Variants in BRINP2 observed in about 807,000 individuals in gnomAD.
BRINP2 encodes BMP/retinoic acid inducible neural specific 2.
BRINP2 carries 21 observed loss-of-function variants against 69.2 expected under a neutral mutation model. The observed-to-expected ratio is 0.30, with a 90% CI of 0.22 to 0.44. BRINP2 has a LOEUF of 0.44. Ranked by LOEUF, BRINP2 falls within the 20% of genes least tolerant of loss-of-function variation. The pLI is 1.00. For missense variants in BRINP2, 877 were observed against 986.0 expected (o/e 0.89, Z 1.48); for synonymous variants, 380 against 394.1 (o/e 0.96, Z 0.42).
chr1:177,208,247 G>C (rs1173181118), intron 1 of BRINP2, among the ~76,000 whole-genome samples: 1 of 152,124 alleles, frequency 6.6e-6, no homozygotes, highest in Non-Finnish European at 1.5e-5. Flanking sequence ...ATGCCTCCCA[G>C]GCTTGGAGAC....
intron 2 of BRINP2, among the ~76,000 whole-genome samples, chr1:177,233,191 G>T (rs564293004): frequency 3.3e-5 from 5 of 152,172 alleles, no homozygotes; most frequent in Non-Finnish European, 5.9e-5. Flanking sequence ...GACCTCCAGA[G>T]ATTGTTTTTC....
chr1:177,271,414 G>T (rs58720847), intron 4 of BRINP2, among the ~76,000 whole-genome samples: 2 of 152,208 alleles, frequency 1.3e-5, no homozygotes, highest in African/African-American at 4.8e-5. Flanking sequence ...GGCATGTAAA[G>T]GGTTTAGACT....
intron 1 of BRINP2, among the ~76,000 whole-genome samples, chr1:177,204,987 T>C (rs1344057094): frequency 6.6e-6 from 1 of 152,238 alleles, no homozygotes; most frequent in East Asian, 1.9e-4. Flanking sequence ...GTATCATATG[T>C]ATATGTCATA....
intron 1 of BRINP2, among the ~76,000 whole-genome samples, chr1:177,185,142 GA>G (rs59653327): frequency 0.023 from 3,405 of 145,012 alleles, 45 homozygotes; most frequent in South Asian, 0.036. Context: ...TGTCATGTTG[GA>G]AAAAAAAAAA....
At chr1:177,236,876 C>T (rs1571921544) in intron 2 of BRINP2, among the ~76,000 whole-genome samples, 2 of 151,308 alleles carry the variant, frequency 1.3e-5, no homozygotes, top group African/African-American at 2.4e-5. Context: ...CTCTGAAATG[C>T]CAAAAGTGTC....
chr1:177,223,785 C>T (rs1649612302), intron 1 of BRINP2, among the ~76,000 whole-genome samples: 2 of 151,966 alleles, frequency 1.3e-5, no homozygotes, highest in Non-Finnish European at 2.9e-5. Flanking sequence ...CATTCCTGAC[C>T]AGCAGTGGGG....
In BRINP2 at chr1:177,175,484, G is replaced by A. The variant is rs114428150; in HGVS notation, c.-77+3752G>A. Among the ~76,000 whole-genome samples the A allele has an allele frequency of 2.0e-3, 305 of 152,314 alleles. 3 individuals are homozygous for A. The highest frequency in any genetic ancestry group is 6.6e-3 in the African/African-American group (276 of 41,576). ...CATCTCTCCCAGAGGAAAGGTCAAG[G>A]CAAAGCGCAGGGCCTGTGAGAGGAC... On this transcript the variant is annotated intron_variant, in intron 1 of 7. Transcript: ENST00000361539.
Position 177,276,304 on chromosome 1 carries a change from C to G in BRINP2, c.882C>G (p.Asp294Glu). Residue 294 changes from aspartate to glutamate, a missense_variant, in exon 6 of 8, where the codon GAC becomes GAG. Around this residue, in one of 3 missense-constraint regions of BRINP2, gnomAD observed 566 missense variants for 625.2 expected, o/e 0.91. Transcript: ENST00000361539. ...GTGAGCTCGTCTGCAAGGAGAATGA[C>G]TGCTGGTGCAAGTGCAGCCCCACCT... The part of the protein sequence containing the change: ...SEGELVCKEN[D>E]CWCKCSPTFP... 1 of 1,614,252 alleles carries G rather than the reference C, an allele frequency of 6.2e-7. No homozygotes were observed. Among genetic ancestry groups the G allele is most frequent in the Non-Finnish European group, 8.5e-7 (1 of 1,180,052 alleles).
chr1:177,193,076 G>A (rs1188548282), intron 1 of BRINP2, among the ~76,000 whole-genome samples: 1 of 152,222 alleles, frequency 6.6e-6, no homozygotes. Context: ...CACCTGGGTT[G>A]TGAAGCGTAA....
chr1:177,246,708 G>T (rs1404156303), intron 2 of BRINP2, among the ~76,000 whole-genome samples: 1 of 152,202 alleles, frequency 6.6e-6, no homozygotes, highest in Admixed American at 6.5e-5. Context: ...TGCAAAGTGG[G>T]TTCCATTGCT....
At chr1:177,190,405 A>G (rs1648553093) in intron 1 of BRINP2, among the ~76,000 whole-genome samples, 1 of 152,070 alleles carries the variant, frequency 6.6e-6, no homozygotes, top group African/African-American at 2.4e-5. Context: ...TTCCACATAT[A>G]TTTCAAGTTT....
In BRINP2 at chr1:177,276,412, C is replaced by T; in HGVS notation, c.990C>T (p.His330=). Residue 330 remains histidine (H), a synonymous_variant, in exon 6 of 8, where the codon CAC becomes CAT. Transcript: ENST00000361539. ...AGATCCAGGACTCCTGGGCCACTCA[C>T]AACCGGCAGTTTGAAGAGTCAGGTG... is the stretch of plus-strand genomic sequence containing the variant. ...LLQIQDSWAT[H]NRQFEESEEF... is the part of the protein sequence containing the mutation. The T allele has an allele frequency of 3.1e-6, 5 of 1,614,152 alleles. No individual in the cohort carries two copies. The highest frequency in any genetic ancestry group is 4.2e-6 in the Non-Finnish European group (5 of 1,180,028).
At chr1:177,202,881 A>C (rs1419287545) in intron 1 of BRINP2, among the ~76,000 whole-genome samples, 1 of 152,166 alleles carries the variant, frequency 6.6e-6, no homozygotes, top group Non-Finnish European at 1.5e-5. Flanking sequence ...TGTTGGTGGG[A>C]CTGTAAACTA....
At position 177,257,233 on chromosome 1, in the gene BRINP2, C is replaced by T. The variant is rs750461982; in HGVS notation, c.518C>T (p.Thr173Ile). The change falls in exon 4 of 8, where the codon ACA becomes ATA. Residue 173 changes from threonine to isoleucine, a missense_variant. This residue lies in a region of BRINP2 where 566 missense variants were observed against 625.2 expected (regional missense o/e 0.91). Transcript: ENST00000361539. ...DKQKLGRKTETTGGASIIGGS... is the reference protein window; with the variant it reads ...DKQKLGRKTEITGGASIIGGS... ...CAGAAACTGGGAAGAAAGACAGAGA[C>T]AACAGGAGGTGCCTCTATAATCGGG... 6.2e-7 allele frequency: 1 copy of T among 1,614,092 alleles called. No homozygotes were observed. The highest frequency in any genetic ancestry group is 1.7e-5 in the Admixed American group (1 of 60,018).
At chr1:177,249,105 T>G (rs1356646047) in intron 2 of BRINP2, among the ~76,000 whole-genome samples, 2 of 152,224 alleles carry the variant, frequency 1.3e-5, no homozygotes, top group Non-Finnish European at 2.9e-5. Flanking sequence ...GCACTGATTA[T>G]TTAGATATCA....
At chr1:177,228,776 T>C (rs987869445) in intron 1 of BRINP2, among the ~76,000 whole-genome samples, 11 of 152,212 alleles carry the variant, frequency 7.2e-5, no homozygotes, top group Non-Finnish European at 1.5e-4. Flanking sequence ...CCTGTGCATT[T>C]GCCCAGAGAT....
chr1:177,273,174 G>T (rs541403474), intron 4 of BRINP2, among the ~76,000 whole-genome samples: 2 of 152,250 alleles, frequency 1.3e-5, no homozygotes, highest in South Asian at 4.1e-4. Context: ...GAGGGAGAAG[G>T]GGTGACTAGA....
chr1:177,273,637 TAA>T (rs529344426), intron 5 of BRINP2, 44 bp downstream of exon 5: 31 of 1,051,474 alleles, frequency 2.9e-5, no homozygotes, highest in South Asian at 1.3e-4. Flanking sequence ...ACACCTGATT[TAA>T]AAAAAAAAAT....
chr1:177,247,798 G>A (rs374458545), intron 2 of BRINP2, among the ~76,000 whole-genome samples: 1 of 152,238 alleles, frequency 6.6e-6, no homozygotes, highest in South Asian at 2.1e-4. Context: ...ACGCAGAATA[G>A]TGAGCAGGCG....
Sources: allele counts gnomAD v4.1 joint callset (sites outside exome capture counted in the v4.1 genomes callset), GRCh38; gene constraint gnomAD v4.1.1; regional missense constraint gnomAD v4.1.1; transcripts MANE v1.5; gene names NCBI Gene and HGNC (gene_info 2026-07-23, HGNC 2026-07-21).